The following IARS1 variants were observed in gnomAD, a reference collection of about 807,000 sequenced individuals.
The protein encoded by IARS1 is isoleucine--tRNA ligase, cytoplasmic.
A neutral mutation model predicts 168.2 loss-of-function variants in IARS1; 124 were observed. That is an observed-to-expected ratio of 0.74 (90% CI 0.64 to 0.86). The LOEUF is 0.86. Ranked by LOEUF, IARS1 falls within the 40% of genes least tolerant of loss-of-function variation. IARS1 has a pLI of 0.00. For missense variants in IARS1, 1,452 were observed against 1,515.8 expected, an observed-to-expected ratio of 0.96 and a Z score of 0.70; for synonymous variants, 532 against 529.4, an observed-to-expected ratio of 1.00 and a Z score of -0.07.
intron 25 of IARS1, among the ~76,000 whole-genome samples, chr9:92,248,471 G>C (rs1398048394): frequency 1.3e-5 from 2 of 151,714 alleles, no homozygotes; most frequent in Admixed American, 6.6e-5. Flanking sequence ...TCAGGAGTTA[G>C]AGACCAGCCC....
chr9:92,277,008 C>T (rs1833863841), intron 9 of IARS1, among the ~76,000 whole-genome samples: 1 of 152,138 alleles, frequency 6.6e-6, no homozygotes, highest in Admixed American at 6.5e-5. Flanking sequence ...TTGTGTTTAC[C>T]TTTCCACATG....
In IARS1 at chr9:92,292,056, A is replaced by T. The variant is rs935844090; in HGVS notation, c.-8+1555T>A. Among the ~76,000 whole-genome samples, 3 of 142,844 alleles carry T rather than the reference A, an allele frequency of 2.1e-5. No individual in the cohort carries two copies. In the East Asian group the frequency reaches 6.1e-4, roughly 29 times the overall value. 93.7% of individuals were successfully genotyped at this position (142,844 alleles called of 152,430 possible). On this transcript the variant is annotated intron_variant, in intron 1 of 33. Transcript: ENST00000443024. ...TTTTGAGACAGTGGCTCACTCTGTCACCTAGGCTGGAGTGCAGTGGCACAA... is the reference window on the plus strand; with the variant it reads ...TTTTGAGACAGTGGCTCACTCTGTCTCCTAGGCTGGAGTGCAGTGGCACAA...
chr9:92,275,011 C>T (rs558413663), intron 9 of IARS1, among the ~76,000 whole-genome samples: 3 of 152,312 alleles, frequency 2.0e-5, no homozygotes, highest in African/African-American at 7.2e-5. Flanking sequence ...CTTACAGGTA[C>T]TCCACCACCT....
chr9:92,242,022 G>T, intron 29 of IARS1, 132 bp downstream of exon 29: 1 of 710,210 alleles, frequency 1.4e-6, no homozygotes, highest in South Asian at 1.8e-5. Context: ...ACCCACTACT[G>T]TCCAGAGCAA....
Position 92,286,019 on chromosome 9 carries a change from T to C in IARS1, c.480-180A>G. ...AATATAGTAAGACATCAGGCAGACA[T>C]TAAAATGCTAATATCTACTGATATC... On this transcript the variant is annotated intron_variant, in intron 5 of 33. Transcript: ENST00000443024. 3 of 541,326 alleles carry C rather than the reference T, an allele frequency of 5.5e-6. No homozygotes were observed. The South Asian group carries it at 7.3e-5, about 13-fold the overall frequency. The allele number at this position is 541,326 out of a possible 1,614,324, so 33.5% of individuals were successfully genotyped here.
intron 30 of IARS1, among the ~76,000 whole-genome samples, chr9:92,231,359 T>A (rs1329444582): frequency 3.3e-5 from 5 of 152,074 alleles, no homozygotes; most frequent in African/African-American, 9.7e-5. Flanking sequence ...TGCTTATCTG[T>A]ATGCTTATAC....
At chr9:92,232,574 T>G (rs985600931) in intron 30 of IARS1, among the ~76,000 whole-genome samples, 2 of 152,214 alleles carry the variant, frequency 1.3e-5, no homozygotes, top group African/African-American at 4.8e-5. Context: ...CAGAAGGGTA[T>G]GAGAAAGTTG....
At position 92,243,214 on chromosome 9, in the gene IARS1, AC is replaced by A; in HGVS notation, c.3000+1del. 6.2e-7 allele frequency: 1 copy of A among 1,611,290 alleles called. No individual in the cohort carries two copies. The highest frequency in any genetic ancestry group is 2.2e-5 in the East Asian group (1 of 44,832). On this transcript the variant is annotated splice_donor_variant, in intron 28 of 33. Coordinates refer to ENST00000443024, the MANE Select transcript of IARS1 (RefSeq NM_002161.6). LOFTEE classifies it high-confidence loss of function. Reference sequence around the variant, plus strand: ...TAGCTTATTCTTAACTGACAAACTAACCTTTTTGCGAAGTTTCTGTATGCGA... The same window carrying A: ...TAGCTTATTCTTAACTGACAAACTAACTTTTTGCGAAGTTTCTGTATGCGA...
In IARS1 at chr9:92,285,793, C is replaced by T. The variant is rs200707805; in HGVS notation, c.526G>A (p.Val176Met). 366 of 1,613,496 alleles carry T rather than the reference C, an allele frequency of 2.3e-4. No homozygotes were observed. The highest frequency in any genetic ancestry group is 3.0e-4 in the Non-Finnish European group (358 of 1,179,530). ...GCCGTAGAGAAGGGCATGACTTTCA[C>T]ACCTCTATAAACAAGGCCTTTATCA... ...LYDKGLVYRGVKVMPFSTACN... is the reference protein window; with the variant it reads ...LYDKGLVYRGMKVMPFSTACN... Residue 176 changes from valine (V) to methionine (M), a missense_variant, in exon 6 of 34, where the codon GTG becomes ATG. Physicochemically the swap from Val to Met is conservative, Grantham distance 21. Transcript: ENST00000443024.
chr9:92,282,346 A>C (rs1450117931), intron 6 of IARS1, among the ~76,000 whole-genome samples: 1 of 151,700 alleles, frequency 6.6e-6, no homozygotes, highest in African/African-American at 2.4e-5. Flanking sequence ...TCTGTCACCC[A>C]AGCTGGAGTG....
chr9:92,277,938 A>G lies in IARS1; in HGVS notation c.834-15T>C. On this transcript the variant is annotated splice_polypyrimidine_tract_variant and intron_variant, in intron 8 of 33. Transcript: ENST00000443024. Reference sequence around the variant, plus strand: ...CACCAGGAAATCTAGAAAAGGAGAAAGGCAAACTCACAATTAGATTAAAAT... The same window carrying G: ...CACCAGGAAATCTAGAAAAGGAGAAGGGCAAACTCACAATTAGATTAAAAT... 6.2e-7 allele frequency: 1 copy of G among 1,611,148 alleles called. No homozygotes were observed. Among genetic ancestry groups the G allele is most frequent in the Non-Finnish European group, 8.5e-7 (1 of 1,177,586 alleles).
chr9:92,244,376 A>G (rs1828880839), intron 27 of IARS1, among the ~76,000 whole-genome samples: 1 of 152,154 alleles, frequency 6.6e-6, no homozygotes. Flanking sequence ...CTTCCCCTGC[A>G]CATGGTATGC....
intron 6 of IARS1, among the ~76,000 whole-genome samples, chr9:92,282,860 A>ATTTTTTTT (rs35959111): frequency 2.3e-5 from 3 of 132,856 alleles, no homozygotes; most frequent in African/African-American, 8.7e-5. Flanking sequence ...ATATATATAT[A>ATTTTTTTT]TTTTTTTTTT....
At chr9:92,250,994 T>G in intron 22 of IARS1, 160 bp from the exon 23 acceptor site, 1 of 721,632 alleles carries the variant, frequency 1.4e-6, no homozygotes, top group Non-Finnish European at 2.3e-6. Context: ...AGAAATGGCC[T>G]CATATCCCTG....
In IARS1 at chr9:92,256,474, GCCA is replaced by G. The variant is rs905607066; in HGVS notation, c.2137+203_2137+205del. On this transcript the variant is annotated intron_variant, in intron 20 of 33. Transcript: ENST00000443024. ...AAAATGCTGGGGATTACAGGCGTGA[GCCA>G]CCACACCAGGCCAGAAGTCCCCAGG... 35 of 370,738 alleles carry G rather than the reference GCCA, an allele frequency of 9.4e-5. No homozygotes were observed. In the Middle Eastern group the frequency reaches 2.5e-3, roughly 26 times the overall value. 23.0% of individuals were successfully genotyped at this position (370,738 alleles called of 1,614,324 possible).
intron 14 of IARS1, 108 bp downstream of exon 14, chr9:92,268,065 TA>T: frequency 8.6e-7 from 1 of 1,162,034 alleles, no homozygotes; most frequent in South Asian, 1.8e-5. Flanking sequence ...AAAGATGAAA[TA>T]AGAAAGGGGC....
chr9:92,245,446 A>G (rs1274422876), intron 26 of IARS1, among the ~76,000 whole-genome samples: 7 of 152,188 alleles, frequency 4.6e-5, no homozygotes, highest in Non-Finnish European at 7.4e-5. Context: ...TAGGTCCACT[A>G]TTTGCTGGTT....
chr9:92,266,205 A>G (rs1564179111), intron 14 of IARS1, among the ~76,000 whole-genome samples: 1 of 152,256 alleles, frequency 6.6e-6, no homozygotes, highest in East Asian at 1.9e-4. Flanking sequence ...AGTAACTGGC[A>G]TAAGTGAAAC....
chr9:92,289,907 A>G (rs1402762373), intron 1 of IARS1, among the ~76,000 whole-genome samples: 1 of 152,228 alleles, frequency 6.6e-6, no homozygotes, highest in Non-Finnish European at 1.5e-5. Flanking sequence ...TTGATAGCTG[A>G]ATAGTATTCC....
Sources: gnomAD v4.1 joint callset for allele counts (sites outside exome capture counted in the v4.1 genomes callset) on GRCh38, gnomAD v4.1.1 for gene constraint, MANE v1.5 for transcripts, NCBI Gene and HGNC (gene_info 2026-07-23, HGNC 2026-07-21) for gene names.